Variants in LRFN5 observed in about 807,000 individuals in gnomAD.
LRFN5 encodes the protein leucine rich repeat and fibronectin type III domain containing 5.
LRFN5 carries 24 observed loss-of-function variants against 45.6 expected under a neutral mutation model. That is an observed-to-expected ratio of 0.53 (90% CI 0.38 to 0.74). The LOEUF is 0.74. LRFN5 is among the 30% of genes least tolerant of loss of function. The probability of loss-of-function intolerance (pLI) is 0.00; values close to 1 mark genes in which losing one functional copy is unlikely to be tolerated. For missense variants in LRFN5, 776 were observed against 861.5 expected (o/e 0.90, Z 1.24); for synonymous variants, 340 against 313.8 (o/e 1.08, Z -0.88).
chr14:41,651,023 CT>C (rs778675917), intron 1 of LRFN5, among the ~76,000 whole-genome samples: 4 of 151,718 alleles, frequency 2.6e-5, no homozygotes, highest in South Asian at 2.1e-4. Flanking sequence ...CATTTTCTTC[CT>C]TGTGTTTTTC....
In LRFN5 at chr14:41,739,935, A is replaced by G. The variant is rs2138817209; in HGVS notation, c.-196-26919A>G. Among the ~76,000 whole-genome samples the G allele has an allele frequency of 2.7e-5, 4 of 149,982 alleles. No individual in the cohort carries two copies. In the South Asian group the frequency reaches 8.4e-4, roughly 31 times the overall value. On this transcript the variant is annotated intron_variant, in intron 1 of 5. Coordinates refer to ENST00000298119, the MANE Select transcript of LRFN5 (RefSeq NM_152447.5). ...ATCATGGACAACTATATAATAAAAA[A>G]TGAATAACACAGAAAAAATAAAATT...
At chr14:41,888,872 T>G (rs1442356311) in intron 3 of LRFN5, among the ~76,000 whole-genome samples, 1 of 151,868 alleles carries the variant, frequency 6.6e-6, no homozygotes, top group Non-Finnish European at 1.5e-5. Context: ...AAAGACATAT[T>G]TTTACCCTTT....
At position 41,607,066 on chromosome 14, in the gene LRFN5, C is replaced by CGG. The variant is rs892534178; in HGVS notation, c.-1690_-1689dup. Among the ~76,000 whole-genome samples the CGG allele has an allele frequency of 6.6e-6, 1 of 152,126 alleles. No individual in the cohort carries two copies. On this transcript the variant is annotated 5_prime_UTR_variant, in exon 1 of 6. Transcript: ENST00000298119. The stretch of plus-strand genomic sequence containing the variant: ...TCGCCCCAGCGCGGTGGCCAGCGGG[C>CGG]GGGGCGCTGTGTTCCGCGGCGCGCA...
chr14:41,715,014 T>A (rs1045087572), intron 1 of LRFN5, among the ~76,000 whole-genome samples: 1 of 151,928 alleles, frequency 6.6e-6, no homozygotes, highest in Non-Finnish European at 1.5e-5. Context: ...TGTTAAAGGG[T>A]TTTATAAAAT....
intron 2 of LRFN5, among the ~76,000 whole-genome samples, chr14:41,835,352 C>T (rs750061794): frequency 6.6e-6 from 1 of 152,140 alleles, no homozygotes; most frequent in Non-Finnish European, 1.5e-5. Context: ...TCTCTCTTGC[C>T]TAAGGACACA....
At chr14:41,816,866 C>A (rs995457189) in intron 2 of LRFN5, among the ~76,000 whole-genome samples, 1 of 151,822 alleles carries the variant, frequency 6.6e-6, no homozygotes, top group African/African-American at 2.4e-5. Flanking sequence ...TACTATCTTT[C>A]TTTCTCTTTT....
chr14:41,688,956 G>T (rs1034746831), intron 1 of LRFN5, among the ~76,000 whole-genome samples: 1 of 151,696 alleles, frequency 6.6e-6, no homozygotes, highest in South Asian at 2.1e-4. Flanking sequence ...GGGTGTTGGG[G>T]TGTATGACTG....
chr14:41,630,243 A>G (rs1888487293), intron 1 of LRFN5, among the ~76,000 whole-genome samples: 1 of 152,140 alleles, frequency 6.6e-6, no homozygotes, highest in South Asian at 2.1e-4. Flanking sequence ...AAGGACCTAT[A>G]TACATCTTGG....
chr14:41,673,892 G>T (rs1237705909), intron 1 of LRFN5, among the ~76,000 whole-genome samples: 1 of 148,422 alleles, frequency 6.7e-6, no homozygotes, highest in African/African-American at 2.5e-5. Flanking sequence ...TGGCCAGGTG[G>T]GGGACTGATC....
chr14:41,785,087 T>G (rs945901564), intron 2 of LRFN5, among the ~76,000 whole-genome samples: 2 of 152,160 alleles, frequency 1.3e-5, no homozygotes, highest in South Asian at 2.1e-4. Flanking sequence ...TAGCTTTTTT[T>G]TGGAGTGGTG....
chr14:41,675,177 C>T (rs1400686999), intron 1 of LRFN5, among the ~76,000 whole-genome samples: 5 of 152,182 alleles, frequency 3.3e-5, no homozygotes, highest in South Asian at 4.1e-4. Context: ...CAGGCAGAGA[C>T]GCTCCTCACT....
intron 2 of LRFN5, among the ~76,000 whole-genome samples, chr14:41,782,974 CTTTTT>C (rs57305924): frequency 7.8e-6 from 1 of 127,634 alleles, no homozygotes; most frequent in Admixed American, 8.2e-5. Context: ...GGTGATACAG[CTTTTT>C]TTTTTTTTTT....
intron 1 of LRFN5, among the ~76,000 whole-genome samples, chr14:41,682,679 A>G (rs1202974195): frequency 6.6e-6 from 1 of 152,234 alleles, no homozygotes; most frequent in Non-Finnish European, 1.5e-5. Context: ...CTATATGCCA[A>G]TAAATTGGAA....
intron 2 of LRFN5, among the ~76,000 whole-genome samples, chr14:41,882,845 T>C (rs10136001): frequency 1.8e-5 from 2 of 111,002 alleles, no homozygotes; most frequent in Admixed American, 1.1e-4. Flanking sequence ...ATGTATTTCC[T>C]CTTTTTTTTT....
intron 2 of LRFN5, among the ~76,000 whole-genome samples, chr14:41,843,532 C>T (rs1350243848): frequency 6.6e-6 from 1 of 152,008 alleles, no homozygotes; most frequent in Non-Finnish European, 1.5e-5. Context: ...GTGTTTTATT[C>T]TAAAAACTTT....
At chr14:41,853,866 CAG>C (rs1889360234) in intron 2 of LRFN5, among the ~76,000 whole-genome samples, 1 of 152,032 alleles carries the variant, frequency 6.6e-6, no homozygotes, top group African/African-American at 2.4e-5. Context: ...GTGTTGGTAG[CAG>C]TAACAACAGC....
chr14:41,624,149 C>T (rs1888238894), intron 1 of LRFN5, among the ~76,000 whole-genome samples: 1 of 152,042 alleles, frequency 6.6e-6, no homozygotes, highest in African/African-American at 2.4e-5. Flanking sequence ...CTCCTAACTT[C>T]AGCATGGGTA....
chr14:41,739,735 G>T (rs1884608889), intron 1 of LRFN5, among the ~76,000 whole-genome samples: 1 of 149,574 alleles, frequency 6.7e-6, no homozygotes, highest in Non-Finnish European at 1.5e-5. Context: ...AAGCAAAATA[G>T]AGACTAGAAA....
chr14:41,626,208 G>C (rs1888326645), intron 1 of LRFN5, among the ~76,000 whole-genome samples: 1 of 151,864 alleles, frequency 6.6e-6, no homozygotes. Flanking sequence ...ATTATTATAG[G>C]TCAAATAAAG....
Sources: gnomAD v4.1 joint callset for allele counts (sites outside exome capture counted in the v4.1 genomes callset) on GRCh38, gnomAD v4.1.1 for gene constraint, MANE v1.5 for transcripts, NCBI Gene and HGNC (gene_info 2026-07-23, HGNC 2026-07-21) for gene names.